ZNF503: variants seen among roughly 807,000 people sequenced by gnomAD.
ZNF503 encodes the protein NocA-like zinc finger 2.
Under a neutral mutation model 34.4 loss-of-function variants are expected in ZNF503, and 15 were observed. The ratio of observed to expected loss-of-function variants is 0.44; its 90% CI spans 0.29 to 0.67. The LOEUF is 0.67. Among genes scored for constraint, ZNF503 ranks in the 30% least tolerant of loss-of-function variants. ZNF503 has a pLI of 0.13. For synonymous variants in ZNF503, 580 were observed against 456.8 expected (o/e 1.27, Z -3.44); for missense variants, 1,007 against 926.8 (o/e 1.09, Z -1.12).
At chr10:75,305,566 A>C in the ZNF503 span, among the ~76,000 whole-genome samples, 2,273 of 152,286 alleles carry the variant, frequency 0.015, 74 homozygotes, top group African/African-American at 0.052. Flanking sequence ...TATACAGTTA[A>C]GTAATGTTAA....
chr10:75,355,832 G>A, the ZNF503 span, among the ~76,000 whole-genome samples: 1 of 152,198 alleles, frequency 6.6e-6, no homozygotes, highest in African/African-American at 2.4e-5. Flanking sequence ...CTGCTCCACA[G>A]CATATGGGCC....
the ZNF503 span, among the ~76,000 whole-genome samples, chr10:75,299,566 G>A: frequency 6.6e-6 from 1 of 152,006 alleles, no homozygotes; most frequent in Non-Finnish European, 1.5e-5. Context: ...AACATCCTTT[G>A]TCTCTAATTA....
rs1462374898 is a variant in ZNF503 at position 75,399,598 on chromosome 10, G to A, written c.1092C>T (p.Ala364=). 6.3e-6 allele frequency: 10 copies of A among 1,597,652 alleles called. No individual in the cohort carries two copies. The highest frequency in any genetic ancestry group is 2.7e-5 in the African/African-American group (2 of 75,020). Residue 364 remains alanine (A), a synonymous_variant, in exon 2 of 2, where the codon GCC becomes GCT. Transcript: ENST00000372524. The stretch of plus-strand genomic sequence containing the variant: ...GGGGCGGGTAGCCGGCGTAGGCCCC[G>A]GCCAGGCTGCCTGGGTAGGTCATAC... ...PAGMTYPGSL[A]GAYAGYPPQF... is the part of the protein sequence containing the mutation.
the ZNF503 span, among the ~76,000 whole-genome samples, chr10:75,367,944 A>G: frequency 6.6e-6 from 1 of 152,132 alleles, no homozygotes; most frequent in African/African-American, 2.4e-5. Context: ...CCTTTTTCCA[A>G]GCTGATCCCA....
rs1843824277 is a variant in ZNF503, at chr10:75,401,555, C to T, written c.-136G>A. The stretch of plus-strand genomic sequence containing the variant: ...TGGCGCGGCGGCCACGGGCGCCCAG[C>T]GCGCCTTCTCGGCGCCTGGAGCCAG... On this transcript the variant is annotated 5_prime_UTR_variant, in exon 1 of 2. Transcript: ENST00000372524. 1.9e-6 allele frequency: 2 copies of T among 1,080,244 alleles called. No homozygotes were observed. The highest frequency in any genetic ancestry group is 4.9e-5 in the Admixed American group (2 of 40,432). The allele number at this position is 1,080,244 out of a possible 1,614,324, so 66.9% of individuals were successfully genotyped here.
At chr10:75,360,547 G>A in the ZNF503 span, 1 of 152,352 alleles carries the variant, frequency 6.6e-6, no homozygotes, top group East Asian at 1.9e-4. Flanking sequence ...GCTGCTGGAA[G>A]TCCACCCCTA....
At chr10:75,329,381 TCTTC>T in the ZNF503 span, among the ~76,000 whole-genome samples, 1,257 of 129,134 alleles carry the variant, frequency 9.7e-3, 15 homozygotes, top group African/African-American at 0.014. Flanking sequence ...CTTCTTTCTT[TCTTC>T]CTTCCTTCCT....
chr10:75,294,372 A>G, the ZNF503 span, among the ~76,000 whole-genome samples: 1 of 152,230 alleles, frequency 6.6e-6, no homozygotes, highest in Non-Finnish European at 1.5e-5. Context: ...CCTCGCCCAA[A>G]GAAGAGGGCG....
At chr10:75,289,096 C>G in the ZNF503 span, among the ~76,000 whole-genome samples, 1 of 152,182 alleles carries the variant, frequency 6.6e-6, no homozygotes, top group Non-Finnish European at 1.5e-5. Context: ...GAGTACAACT[C>G]CTGCACTTGT....
the ZNF503 span, among the ~76,000 whole-genome samples, chr10:75,355,525 T>C: frequency 6.6e-6 from 1 of 151,862 alleles, no homozygotes; most frequent in Non-Finnish European, 1.5e-5. Flanking sequence ...AATAGGAGGG[T>C]CATGACTGAG....
chr10:75,400,937 C>T, intron 1 of ZNF503, 168 bp downstream of exon 1: 3 of 1,013,078 alleles, frequency 3.0e-6, no homozygotes, highest in Non-Finnish European at 2.9e-6. Context: ...TCCACTTCCT[C>T]CCCCTTTTCC....
At chr10:75,346,999 C>T in the ZNF503 span, among the ~76,000 whole-genome samples, 2 of 152,116 alleles carry the variant, frequency 1.3e-5, no homozygotes, top group African/African-American at 2.4e-5. Context: ...CATAGCCAGT[C>T]GTGTCTGGGC....
chr10:75,304,480 T>C, the ZNF503 span, among the ~76,000 whole-genome samples: 26 of 152,188 alleles, frequency 1.7e-4, no homozygotes, highest in Non-Finnish European at 2.4e-4. Context: ...GTAAAACATA[T>C]GGAGTCATGC....
downstream of ZNF503, among the ~76,000 whole-genome samples, chr10:75,394,259 G>C (rs1452877958): frequency 6.6e-6 from 1 of 152,248 alleles, no homozygotes; most frequent in Non-Finnish European, 1.5e-5. Flanking sequence ...ATTAAGTCTA[G>C]TAATGGGGTG....
chr10:75,399,828 C>T lies in ZNF503; in HGVS notation c.862G>A (p.Gly288Ser). The part of the protein sequence containing the change: ...GLAHGRISCG[G>S]GINVDVNQHP... The stretch of plus-strand genomic sequence containing the variant: ...TGGTTCACATCCACATTAATCCCGC[C>T]GCCGCAGCTAATCCGGCCGTGTGCC... The change falls in exon 2 of 2, where the codon GGC (glycine) becomes AGC (serine). Residue 288 changes from glycine to serine, a missense_variant. By Grantham distance (56) the Gly-to-Ser change is moderately conservative. Transcript: ENST00000372524. 6.2e-7 allele frequency: 1 copy of T among 1,604,632 alleles called. No homozygotes were observed. Among genetic ancestry groups the T allele is most frequent in the Non-Finnish European group, 8.5e-7 (1 of 1,177,102 alleles).
At chr10:75,347,396 G>A in the ZNF503 span, among the ~76,000 whole-genome samples, 1 of 152,248 alleles carries the variant, frequency 6.6e-6, no homozygotes, top group African/African-American at 2.4e-5. Flanking sequence ...GCTGACGAGA[G>A]GAGAACGCGG....
the ZNF503 span, among the ~76,000 whole-genome samples, chr10:75,294,675 G>A: frequency 6.6e-6 from 1 of 151,634 alleles, no homozygotes; most frequent in Non-Finnish European, 1.5e-5. Flanking sequence ...GGGACAGGGC[G>A]GAGGGGGAGG....
the ZNF503 span, among the ~76,000 whole-genome samples, chr10:75,363,801 A>G: frequency 1.3e-5 from 2 of 152,226 alleles, no homozygotes; most frequent in Admixed American, 1.3e-4. Flanking sequence ...GCATGGCTCT[A>G]ATATACACTG....
At chr10:75,347,730 CCT>C in the ZNF503 span, among the ~76,000 whole-genome samples, 13 of 152,314 alleles carry the variant, frequency 8.5e-5, no homozygotes, top group East Asian at 2.5e-3. Flanking sequence ...TTTGTTGACA[CCT>C]AACATACATA....
Sources: allele counts gnomAD v4.1 joint callset (sites outside exome capture counted in the v4.1 genomes callset), GRCh38; gene constraint gnomAD v4.1.1; transcripts MANE v1.5; gene names NCBI Gene and HGNC (gene_info 2026-07-23, HGNC 2026-07-21).